CLASP1: variants seen among roughly 807,000 people sequenced by gnomAD.
CLASP1 encodes cytoplasmic linker associated protein 1, also known as CLIP-associating protein 1.
CLASP1 carries 38 observed loss-of-function variants against 192.3 expected under a neutral mutation model. That is an observed-to-expected ratio of 0.20 (90% confidence interval 0.15 to 0.26). The LOEUF (loss-of-function observed/expected upper bound fraction) is 0.26. Ranked by LOEUF, CLASP1 falls within the 10% of genes least tolerant of loss-of-function variation. The pLI is 1.00. For synonymous variants in CLASP1, 691 were observed against 712.8 expected, an observed-to-expected ratio of 0.97 and a Z score of 0.49; for missense variants, 1,433 against 1,932.5, an observed-to-expected ratio of 0.74 and a Z score of 4.85.
intron 23 of CLASP1, among the ~76,000 whole-genome samples, chr2:121,416,208 T>C (rs567178521): frequency 6.6e-6 from 1 of 152,328 alleles, no homozygotes; most frequent in Non-Finnish European, 1.5e-5. Flanking sequence ...CTCTGTCACA[T>C]TCACAAGTTA....
At chr2:121,371,672 G>T (rs1049027024) in intron 34 of CLASP1, among the ~76,000 whole-genome samples, 1 of 152,084 alleles carries the variant, frequency 6.6e-6, no homozygotes, top group Non-Finnish European at 1.5e-5. Flanking sequence ...TGAGAAACCG[G>T]CAGTGGGAAC....
intron 2 of CLASP1, among the ~76,000 whole-genome samples, chr2:121,586,186 G>A (rs1193683086): frequency 2.6e-5 from 4 of 152,220 alleles, no homozygotes; most frequent in African/African-American, 9.6e-5. Flanking sequence ...GGAATGCAGT[G>A]GCATGATCTC....
chr2:121,632,493 T>C (rs751092697), intron 1 of CLASP1, among the ~76,000 whole-genome samples: 4 of 151,990 alleles, frequency 2.6e-5, no homozygotes, highest in East Asian at 1.9e-4. Flanking sequence ...GAAATCATGA[T>C]ATGCCATGCA....
intron 35 of CLASP1, 139 bp downstream of exon 36, chr2:121,367,449 C>T: frequency 8.8e-7 from 1 of 1,132,062 alleles, no homozygotes. Context: ...TTAAGTAGTG[C>T]CTGAACAAAT....
intron 8 of CLASP1, among the ~76,000 whole-genome samples, chr2:121,495,181 G>C (rs903309719): frequency 2.0e-5 from 3 of 151,956 alleles, no homozygotes; most frequent in African/African-American, 7.3e-5. Flanking sequence ...AAATTAGCTG[G>C]GCGTGGTGGC....
intron 8 of CLASP1, among the ~76,000 whole-genome samples, chr2:121,497,060 C>T (rs1345926642): frequency 3.3e-5 from 5 of 151,814 alleles, no homozygotes; most frequent in Non-Finnish European, 7.4e-5. Context: ...TGGTAGTTAC[C>T]AAAGGCCAGG....
intron 2 of CLASP1, among the ~76,000 whole-genome samples, chr2:121,565,487 T>G (rs2059422535): frequency 6.6e-6 from 1 of 152,160 alleles, no homozygotes; most frequent in African/African-American, 2.4e-5. Context: ...AGAAATTTGT[T>G]TTTAAACCCT....
At chr2:121,628,545 G>C (rs774529256) in intron 1 of CLASP1, among the ~76,000 whole-genome samples, 1 of 151,736 alleles carries the variant, frequency 6.6e-6, no homozygotes, top group Non-Finnish European at 1.5e-5. Flanking sequence ...GCATGGTGGT[G>C]CACGCCTGTA....
intron 6 of CLASP1, among the ~76,000 whole-genome samples, chr2:121,518,351 C>T (rs1187254093): frequency 7.3e-5 from 11 of 150,804 alleles, no homozygotes; most frequent in Non-Finnish European, 5.9e-5. Flanking sequence ...TGGGTACACA[C>T]ACAGAAGAGG....
At chr2:121,515,445 G>A (rs2094261199) in intron 7 of CLASP1, among the ~76,000 whole-genome samples, 1 of 152,166 alleles carries the variant, frequency 6.6e-6, no homozygotes, top group Admixed American at 6.5e-5. Context: ...CATGGGACCT[G>A]GCCAGTTGTC....
At chr2:121,488,846 T>C (rs1224788077) in intron 8 of CLASP1, among the ~76,000 whole-genome samples, 4 of 152,240 alleles carry the variant, frequency 2.6e-5, no homozygotes, top group African/African-American at 9.6e-5. Context: ...CGACTGCAGT[T>C]ACTGAGGGTA....
chr2:121,609,472 T>C (rs1169151508), intron 1 of CLASP1, among the ~76,000 whole-genome samples: 1 of 152,224 alleles, frequency 6.6e-6, no homozygotes, highest in Non-Finnish European at 1.5e-5. Context: ...GTAACTATTC[T>C]CTCTTACACT....
At chr2:121,640,244 T>C (rs994341053) in intron 1 of CLASP1, among the ~76,000 whole-genome samples, 2 of 151,770 alleles carry the variant, frequency 1.3e-5, no homozygotes, top group East Asian at 1.9e-4. Context: ...GGGGGAGGAA[T>C]AGCATTGGGA....
Position 121,516,435 on chromosome 2 carries a change from A to G in CLASP1, c.547-673T>C, listed in dbSNP as rs1175886218. On this transcript the variant is annotated intron_variant, in intron 6 of 39. Coordinates refer to ENST00000263710, the Ensembl canonical transcript of CLASP1. The stretch of plus-strand genomic sequence containing the variant: ...TCCAGATGGAATGAGCGAATTCCGA[A>G]TAAGACACAGCCTGTGCAAAGGCAC... Among the ~76,000 whole-genome samples the G allele has an allele frequency of 3.9e-5, 6 of 152,362 alleles. 1 individual carries two copies. The highest frequency in any genetic ancestry group is 7.3e-5 in the Non-Finnish European group (5 of 68,036).
At chr2:121,520,520 C>A (rs998358587) in intron 6 of CLASP1, among the ~76,000 whole-genome samples, 1 of 152,234 alleles carries the variant, frequency 6.6e-6, no homozygotes, top group Non-Finnish European at 1.5e-5. Context: ...CTCCTCCCTC[C>A]TCCTGAGCTC....
At chr2:121,456,950 C>T (rs1197406190) in intron 14 of CLASP1, among the ~76,000 whole-genome samples, 1 of 152,334 alleles carries the variant, frequency 6.6e-6, no homozygotes, top group African/African-American at 2.4e-5. Flanking sequence ...TGAAAACCTA[C>T]ACAAAACTAT....
intron 26 of CLASP1, among the ~76,000 whole-genome samples, chr2:121,404,028 A>G (rs1180511906): frequency 6.6e-6 from 1 of 152,230 alleles, no homozygotes; most frequent in Non-Finnish European, 1.5e-5. Context: ...ACATTAAAAA[A>G]TGCATGATAT....
chr2:121,500,345 AAAGAAAGAAAG>A (rs2093696237), intron 8 of CLASP1, among the ~76,000 whole-genome samples: 1 of 12,592 alleles, frequency 7.9e-5, no homozygotes, highest in African/African-American at 3.2e-4. Flanking sequence ...AAAGAAAGAA[AAAGAAAGAAAG>A]AAAGAAAGAA....
chr2:121,362,123 G>A (rs879774858), intron 37 of CLASP1, among the ~76,000 whole-genome samples: 4 of 152,226 alleles, frequency 2.6e-5, no homozygotes, highest in Admixed American at 2.6e-4. Flanking sequence ...GTGCTCACAC[G>A]ACAGTCACAC....
Sources: allele counts gnomAD v4.1 joint callset (sites outside exome capture counted in the v4.1 genomes callset), GRCh38; gene constraint gnomAD v4.1.1; transcripts MANE v1.5; gene names NCBI Gene and HGNC (gene_info 2026-07-23, HGNC 2026-07-21).